ZFHX3: variants seen among roughly 807,000 people sequenced by gnomAD.
ZFHX3 encodes zinc finger homeobox 3, also known as zinc finger homeobox protein 3.
Under a neutral mutation model 279.1 loss-of-function variants are expected in ZFHX3, and 42 were observed. The ratio of observed to expected loss-of-function variants is 0.15; its 90% CI spans 0.12 to 0.19. ZFHX3 has a LOEUF of 0.19. Ranked by LOEUF, ZFHX3 falls within the 10% of genes least tolerant of loss-of-function variation. The pLI, the probability that ZFHX3 is intolerant of heterozygous loss-of-function variation, is 1.00. For synonymous variants in ZFHX3, 2,293 were observed against 1,957.8 expected, an observed-to-expected ratio of 1.17 and a Z score of -4.52; for missense variants, 4,981 against 4,754.0, an observed-to-expected ratio of 1.05 and a Z score of -1.40.
At chr16:73,605,906 A>C (rs1975998) in intron 2 of ZFHX3, among the ~76,000 whole-genome samples, 125,355 of 151,834 alleles carry the variant, frequency 0.83, 52,474 homozygotes, top group East Asian at 0.99. Flanking sequence ...ATGCTGGGGC[A>C]GGGCACAGTG....
intron 1 of ZFHX3, among the ~76,000 whole-genome samples, chr16:73,865,349 A>C (rs540828423): frequency 2.7e-4 from 41 of 152,198 alleles, no homozygotes; most frequent in Non-Finnish European, 2.4e-4. Context: ...AAGGCCCCCA[A>C]GACAGTAACA....
chr16:72,841,783 C>T (rs1283537562), intron 4 of ZFHX3, among the ~76,000 whole-genome samples: 1 of 152,200 alleles, frequency 6.6e-6, no homozygotes, highest in Non-Finnish European at 1.5e-5. Flanking sequence ...GCAATACATT[C>T]CATTCCACAA....
At chr16:72,966,643 G>A (rs568839177) in intron 1 of ZFHX3, among the ~76,000 whole-genome samples, 38 of 152,264 alleles carry the variant, frequency 2.5e-4, no homozygotes, top group African/African-American at 9.1e-4. Flanking sequence ...TAGCCTCATC[G>A]GAATGGCTGA....
At chr16:72,802,563 G>T (rs995332249) in intron 7 of ZFHX3, among the ~76,000 whole-genome samples, 32 of 152,130 alleles carry the variant, frequency 2.1e-4, no homozygotes, top group Non-Finnish European at 2.9e-5. Flanking sequence ...CTGAAAAAAA[G>T]GGGGGGTTGG....
chr16:73,638,278 G>A (rs1207261903), intron 2 of ZFHX3, among the ~76,000 whole-genome samples: 1 of 152,146 alleles, frequency 6.6e-6, no homozygotes, highest in African/African-American at 2.4e-5. Flanking sequence ...GATTTGGGCA[G>A]GTAACTAATT....
intron 1 of ZFHX3, 141 bp from the exon 2 acceptor site, chr16:72,960,335 G>A (rs530991499): frequency 7.5e-5 from 47 of 623,896 alleles, no homozygotes; most frequent in South Asian, 6.4e-4. Flanking sequence ...GACACAGGGC[G>A]GAGGGCGGGC....
chr16:72,818,707 GA>G (rs1322556069), intron 5 of ZFHX3, among the ~76,000 whole-genome samples: 1 of 152,196 alleles, frequency 6.6e-6, no homozygotes, highest in African/African-American at 2.4e-5. Context: ...CCTAATCAAA[GA>G]AGCAGAATCT....
At position 72,959,880 on chromosome 16, in the gene ZFHX3, G is replaced by C. The variant is rs539049343; in HGVS notation, c.266C>G (p.Ala89Gly). The part of the protein sequence containing the change: ...VTCNECSASF[A>G]SLQTYMEHHC... ...GTGCTCCATGTAGGTCTGGAGGCTG[G>C]CAAAGGAGGCCGAACATTCGTTGCA... Residue 89 changes from alanine to glycine, a missense_variant, in exon 2 of 10, where the codon GCC becomes GGC. This residue lies in a region of ZFHX3 where 1,068 missense variants were observed against 935.2 expected (regional missense o/e 1.14). Transcript: ENST00000268489. 6.2e-7 allele frequency: 1 copy of C among 1,602,848 alleles called. No individual in the cohort carries two copies. The highest frequency in any genetic ancestry group is 1.1e-5 in the South Asian group (1 of 89,526).
rs1168740491 is a variant in ZFHX3, at chr16:72,858,479, G to A, written c.3449-28620C>T. Among the ~76,000 whole-genome samples the A allele has an allele frequency of 2.6e-5, 4 of 152,098 alleles. No homozygotes were observed. The East Asian group carries it at 5.8e-4, about 22-fold the overall frequency. On this transcript the variant is annotated intron_variant, in intron 4 of 9. Transcript: ENST00000268489. Reference sequence around the variant, plus strand: ...ATGAGGTGAAAATAAAGAGAGAGTCGACTGCACTTTATTCTCTTTCATAGA... The same window carrying A: ...ATGAGGTGAAAATAAAGAGAGAGTCAACTGCACTTTATTCTCTTTCATAGA...
In ZFHX3 at chr16:72,811,950, G is replaced by C. The variant is rs1199361498; in HGVS notation, c.3618C>G (p.Leu1206=). ...CAGCTGTTTTTGGTCGCTTCGAAGA[G>C]AGGGGAGACTCTGAGCTACCTGGGA... is the stretch of plus-strand genomic sequence containing the variant. ...ISFPGSSESP[L]SSKRPKTAEE... Residue 1206 remains leucine (L), a synonymous_variant, in exon 6 of 10, where the codon CTC becomes CTG. Transcript: ENST00000268489. 2 of 1,614,156 alleles carry C rather than the reference G, an allele frequency of 1.2e-6. No homozygotes were observed. The highest frequency in any genetic ancestry group is 2.2e-5 in the East Asian group (1 of 44,862).
intron 5 of ZFHX3, among the ~76,000 whole-genome samples, chr16:73,195,468 G>T (rs2144893040): frequency 7.4e-6 from 1 of 135,236 alleles, no homozygotes; most frequent in East Asian, 2.1e-4. Flanking sequence ...ACCCAGGCTG[G>T]ACTGCAGTGG....
At chr16:73,630,322 T>C (rs567690291) in intron 2 of ZFHX3, among the ~76,000 whole-genome samples, 1 of 152,232 alleles carries the variant, frequency 6.6e-6, no homozygotes, top group Non-Finnish European at 1.5e-5. Flanking sequence ...AGGGTGACCC[T>C]GCTCTCAGAA....
At chr16:73,697,996 G>A (rs899075086) in intron 1 of ZFHX3, among the ~76,000 whole-genome samples, 28 of 152,138 alleles carry the variant, frequency 1.8e-4, no homozygotes, top group African/African-American at 6.5e-4. Flanking sequence ...GGTGAGTGTG[G>A]GGTATCTTTG....
intron 4 of ZFHX3, among the ~76,000 whole-genome samples, chr16:73,301,933 CG>C (rs2015065468): frequency 6.6e-6 from 1 of 152,006 alleles, no homozygotes; most frequent in Non-Finnish European, 1.5e-5. Context: ...GTGGGTGCTG[CG>C]GCAACCACAA....
intron 2 of ZFHX3, among the ~76,000 whole-genome samples, chr16:73,572,131 C>T (rs911766955): frequency 5.4e-5 from 8 of 148,028 alleles, no homozygotes; most frequent in Non-Finnish European, 1.0e-4. Flanking sequence ...GAAAAGTCAA[C>T]CGAAAGCATC....
At chr16:73,571,099 T>C (rs1466232099) in intron 2 of ZFHX3, among the ~76,000 whole-genome samples, 3 of 152,094 alleles carry the variant, frequency 2.0e-5, no homozygotes, top group African/African-American at 7.2e-5. Context: ...TTTCTAAAAA[T>C]GGGAAATGGT....
At chr16:72,893,858 A>T (rs766629827) in intron 3 of ZFHX3, among the ~76,000 whole-genome samples, 1 of 152,158 alleles carries the variant, frequency 6.6e-6, no homozygotes, top group South Asian at 2.1e-4. Context: ...ACTTAAAAAA[A>T]TCCAGAATAG....
rs565544130 is a variant in ZFHX3, at chr16:73,432,504, T to C, written c.-1291+23499A>G. On this transcript the variant is annotated intron_variant, in intron 3 of 17. Transcript: ENST00000641206. ...AATCCTATGTGATCCACTGATCTAG[T>C]TGATCTGTTCTTATCCCTCCAAATC... 3.9e-5 allele frequency among the ~76,000 whole-genome samples: 6 copies of C among 152,324 alleles called. No individual in the cohort carries two copies. The South Asian group carries it at 1.0e-3, about 26-fold the overall frequency.
intron 1 of ZFHX3, among the ~76,000 whole-genome samples, chr16:73,011,095 C>A (rs1429333952): frequency 6.6e-6 from 1 of 152,114 alleles, no homozygotes; most frequent in Non-Finnish European, 1.5e-5. Flanking sequence ...GATTCTCCCA[C>A]CTCAGCCTCC....
Sources: allele counts gnomAD v4.1 joint callset (sites outside exome capture counted in the v4.1 genomes callset), GRCh38; gene constraint gnomAD v4.1.1; regional missense constraint gnomAD v4.1.1; transcripts MANE v1.5; gene names NCBI Gene and HGNC (gene_info 2026-07-23, HGNC 2026-07-21).